The following RIN3 variants were observed in gnomAD, a reference collection of about 807,000 sequenced individuals.
RIN3 encodes the protein Ras and Rab interactor 3.
Under a neutral mutation model 76.3 loss-of-function variants are expected in RIN3, and 54 were observed. The observed-to-expected ratio is 0.71, with a 90% CI of 0.57 to 0.89. The LOEUF (loss-of-function observed/expected upper bound fraction) is 0.89. Among genes scored for constraint, RIN3 ranks in the 40% least tolerant of loss-of-function variants. The pLI is 0.00. For synonymous variants in RIN3, 576 were observed against 564.0 expected (o/e 1.02, Z -0.30); for missense variants, 1,256 against 1,322.1 (o/e 0.95, Z 0.78).
intron 4 of RIN3, among the ~76,000 whole-genome samples, chr14:92,630,989 C>A (rs1377853990): frequency 1.3e-5 from 2 of 152,226 alleles, no homozygotes; most frequent in Non-Finnish European, 2.9e-5. Context: ...GCCCTACAGA[C>A]TCCTCCAGAG....
chr14:92,666,643 T>C (rs1237276129), intron 7 of RIN3, among the ~76,000 whole-genome samples: 1 of 152,210 alleles, frequency 6.6e-6, no homozygotes, highest in African/African-American at 2.4e-5. Flanking sequence ...GATTCATCTC[T>C]TCTATTACTT....
At chr14:92,629,156 T>TGAGAGA (rs1886471189) in intron 4 of RIN3, among the ~76,000 whole-genome samples, 8 of 117,028 alleles carry the variant, frequency 6.8e-5, no homozygotes, top group Non-Finnish European at 1.1e-4. Flanking sequence ...AGAGAGAGAT[T>TGAGAGA]GATTGATTGA....
At chr14:92,682,216 G>A (rs534179697) in intron 8 of RIN3, among the ~76,000 whole-genome samples, 21 of 152,266 alleles carry the variant, frequency 1.4e-4, no homozygotes, top group African/African-American at 4.6e-4. Context: ...ATGAAAGGGT[G>A]GGTGATCCTG....
chr14:92,545,266 C>T (rs566375462), intron 1 of RIN3, among the ~76,000 whole-genome samples: 33 of 151,964 alleles, frequency 2.2e-4, no homozygotes, highest in Non-Finnish European at 4.4e-4. Context: ...CCTGCCACCA[C>T]GCCTGGCTAA....
intron 2 of RIN3, among the ~76,000 whole-genome samples, chr14:92,574,894 G>C (rs1234156310): frequency 6.6e-6 from 1 of 152,112 alleles, no homozygotes; most frequent in East Asian, 1.9e-4. Context: ...TGAGCACTCA[G>C]GATCTAGAGT....
chr14:92,545,914 C>CCTTTTCTTTT (rs56096023), intron 1 of RIN3, among the ~76,000 whole-genome samples: 1 of 146,854 alleles, frequency 6.8e-6, no homozygotes, highest in Non-Finnish European at 1.5e-5. Flanking sequence ...TGATTCTGGC[C>CCTTTTCTTTT]CTTTTCTTTT....
At chr14:92,534,493 T>G (rs1896951338) in intron 1 of RIN3, among the ~76,000 whole-genome samples, 1 of 151,036 alleles carries the variant, frequency 6.6e-6, no homozygotes, top group African/African-American at 2.4e-5. Context: ...GGCAGGAGAA[T>G]CGCTTGAACC....
chr14:92,657,390 A>G (rs777951220), intron 6 of RIN3, among the ~76,000 whole-genome samples: 6 of 152,016 alleles, frequency 3.9e-5, no homozygotes, highest in Non-Finnish European at 7.4e-5. Context: ...AAAAAGGCCA[A>G]CAGAACTCCA....
At chr14:92,576,098 C>G in intron 2 of RIN3, 1 of 594,752 alleles carries the variant, frequency 1.7e-6, no homozygotes, top group East Asian at 7.4e-5. Flanking sequence ...AAGACATGGA[C>G]CAAGTCCTTC....
intron 3 of RIN3, among the ~76,000 whole-genome samples, chr14:92,595,803 G>A (rs138780988): frequency 6.6e-6 from 1 of 152,284 alleles, no homozygotes; most frequent in East Asian, 1.9e-4. Flanking sequence ...CCTAACCCCA[G>A]ATGTCCCAAG....
At chr14:92,680,889 G>A (rs1392178156) in intron 8 of RIN3, among the ~76,000 whole-genome samples, 1 of 152,242 alleles carries the variant, frequency 6.6e-6, no homozygotes, top group Admixed American at 6.5e-5. Context: ...AGGGACTTGT[G>A]CAAGGAAGGG....
At chr14:92,664,458 C>A (rs1595496268) in intron 7 of RIN3, among the ~76,000 whole-genome samples, 2 of 148,326 alleles carry the variant, frequency 1.3e-5, no homozygotes, top group Non-Finnish European at 3.0e-5. Context: ...AACTCCGCCT[C>A]CCGGGTTCAC....
chr14:92,545,553 CCT>C (rs59036044), intron 1 of RIN3, among the ~76,000 whole-genome samples: 2 of 148,778 alleles, frequency 1.3e-5, no homozygotes, highest in East Asian at 4.0e-4. Flanking sequence ...TTTCTTTCTC[CCT>C]CTCTATTTTT....
At chr14:92,585,238 C>T (rs1884727515) in intron 3 of RIN3, among the ~76,000 whole-genome samples, 1 of 152,000 alleles carries the variant, frequency 6.6e-6, no homozygotes, top group Admixed American at 6.6e-5. Context: ...CTCAAACTGG[C>T]CTCCCAAAGT....
chr14:92,611,778 C>T (rs564517211), intron 3 of RIN3, among the ~76,000 whole-genome samples: 8 of 152,254 alleles, frequency 5.3e-5, no homozygotes, highest in South Asian at 2.1e-4. Flanking sequence ...CTGTTGTGTT[C>T]GTCTGTTGTT....
At chr14:92,619,223 C>T (rs1886081319) in intron 4 of RIN3, among the ~76,000 whole-genome samples, 1 of 152,078 alleles carries the variant, frequency 6.6e-6, no homozygotes, top group African/African-American at 2.4e-5. Context: ...TTCAGGGGCC[C>T]TCTGATCCAT....
At chr14:92,582,541 C>G (rs1336735654) in intron 3 of RIN3, among the ~76,000 whole-genome samples, 1 of 149,796 alleles carries the variant, frequency 6.7e-6, no homozygotes, top group East Asian at 2.0e-4. Context: ...CAACCTCTGC[C>G]TCCCGAGTTC....
Position 92,659,291 on chromosome 14 carries a change from C to T in RIN3, c.2157C>T (p.Ile719=). ...LQQLKENQLV[I]LATTTTDLGV... Reference sequence around the variant, plus strand: ...AGCTCAAGGAGAACCAGTTAGTGATCCTGGCCACCACCACCACTGACCTAG... The same window carrying T: ...AGCTCAAGGAGAACCAGTTAGTGATTCTGGCCACCACCACCACTGACCTAG... The change falls in exon 7 of 10, where the codon ATC becomes ATT. Residue 719 remains isoleucine, a synonymous_variant. Transcript: ENST00000216487. 6.2e-7 allele frequency: 1 copy of T among 1,613,844 alleles called. No homozygotes were observed. The highest frequency in any genetic ancestry group is 8.5e-7 in the Non-Finnish European group (1 of 1,179,822).
chr14:92,527,835 C>T (rs1896783346), intron 1 of RIN3, among the ~76,000 whole-genome samples: 2 of 152,178 alleles, frequency 1.3e-5, no homozygotes, highest in South Asian at 4.1e-4. Flanking sequence ...AGAGTCCATT[C>T]CTCTTTGTCG....
Sources: allele counts gnomAD v4.1 joint callset (sites outside exome capture counted in the v4.1 genomes callset), GRCh38; gene constraint gnomAD v4.1.1; transcripts MANE v1.5; gene names NCBI Gene and HGNC (gene_info 2026-07-23, HGNC 2026-07-21).